The following EPB41L4A variants were observed in gnomAD, a reference collection of about 807,000 sequenced individuals.
EPB41L4A encodes the protein erythrocyte membrane protein band 4.1 like 4A, also known as band 4.1-like protein 4A.
A neutral mutation model predicts 108.6 loss-of-function variants in EPB41L4A; 100 were observed. The observed-to-expected ratio is 0.92, with a 90% confidence interval of 0.78 to 1.09. The LOEUF (loss-of-function observed/expected upper bound fraction) is 1.09. Ranked by LOEUF, EPB41L4A falls within the 50% of genes least tolerant of loss-of-function variation. EPB41L4A has a pLI of 0.00. For synonymous variants in EPB41L4A, 319 were observed against 289.0 expected (o/e 1.10, Z -1.05); for missense variants, 1,030 against 842.7 (o/e 1.22, Z -2.75).
At chr5:112,292,808 A>G (rs898512130) in intron 2 of EPB41L4A, among the ~76,000 whole-genome samples, 1 of 152,192 alleles carries the variant, frequency 6.6e-6, no homozygotes, top group Non-Finnish European at 1.5e-5. Flanking sequence ...ATTTAAAAAA[A>G]AACTAGTTTT....
chr5:112,178,810 A>G (rs1447792210), intron 18 of EPB41L4A, among the ~76,000 whole-genome samples: 1 of 152,018 alleles, frequency 6.6e-6, no homozygotes, highest in South Asian at 2.1e-4. Context: ...TTATATTGGA[A>G]AAGTAGAAAG....
chr5:112,317,878 T>A (rs930593789), intron 1 of EPB41L4A, among the ~76,000 whole-genome samples: 7 of 152,194 alleles, frequency 4.6e-5, no homozygotes, highest in African/African-American at 1.4e-4. Context: ...GATACAGAGA[T>A]AACCCATATG....
intron 12 of EPB41L4A, among the ~76,000 whole-genome samples, chr5:112,234,338 T>C (rs1749176987): frequency 6.6e-6 from 1 of 151,602 alleles, no homozygotes; most frequent in African/African-American, 2.4e-5. Flanking sequence ...GCTATAATCA[T>C]GCCACTGCAA....
chr5:112,202,241 C>T lies in EPB41L4A; in HGVS notation c.1376+2134G>A, dbSNP rs961329851. 3.3e-5 allele frequency among the ~76,000 whole-genome samples: 5 copies of T among 152,180 alleles called. 1 individual carries two copies. Among genetic ancestry groups the T allele is most frequent in the East Asian group, 3.9e-4 (2 of 5,186 alleles). The stretch of plus-strand genomic sequence containing the variant: ...AGTGGTCCCTGTCTAGCATCCATCA[C>T]GGTGCCTGCAGCATTGTCAGCAGCA... On this transcript the variant is annotated intron_variant, in intron 15 of 22. Transcript: ENST00000261486.
chr5:112,378,662 C>T (rs1759974456), intron 1 of EPB41L4A, among the ~76,000 whole-genome samples: 1 of 152,280 alleles, frequency 6.6e-6, no homozygotes, highest in East Asian at 1.9e-4. Flanking sequence ...AGAAGTCATC[C>T]TTATTCCCTC....
intron 2 of EPB41L4A, among the ~76,000 whole-genome samples, chr5:112,294,356 C>A (rs183274506): frequency 6.6e-6 from 1 of 152,278 alleles, no homozygotes; most frequent in East Asian, 1.9e-4. Flanking sequence ...ACAGTCCAGG[C>A]GAGAGTTCTT....
chr5:112,294,257 C>T (rs914529436), intron 2 of EPB41L4A, among the ~76,000 whole-genome samples: 1 of 152,088 alleles, frequency 6.6e-6, no homozygotes, highest in Non-Finnish European at 1.5e-5. Context: ...AGAGGCCTTT[C>T]ATAAGAGAAG....
intron 12 of EPB41L4A, among the ~76,000 whole-genome samples, chr5:112,233,566 G>A (rs1183192180): frequency 1.3e-5 from 2 of 152,022 alleles, no homozygotes; most frequent in Admixed American, 6.5e-5. Flanking sequence ...TACCTCAATA[G>A]TGCTCCTTTT....
chr5:112,359,001 G>C (rs890393303), intron 1 of EPB41L4A, among the ~76,000 whole-genome samples: 1 of 152,038 alleles, frequency 6.6e-6, no homozygotes, highest in African/African-American at 2.4e-5. Flanking sequence ...TAGCCTAAAG[G>C]GCTAAAATTC....
chr5:112,390,193 G>C (rs1760840073), intron 1 of EPB41L4A, among the ~76,000 whole-genome samples: 1 of 152,188 alleles, frequency 6.6e-6, no homozygotes, highest in African/African-American at 2.4e-5. Context: ...TTTGGGACTG[G>C]TTGGACAGTG....
intron 3 of EPB41L4A, among the ~76,000 whole-genome samples, chr5:112,277,904 G>A (rs1022471987): frequency 2.0e-5 from 3 of 152,138 alleles, no homozygotes; most frequent in Non-Finnish European, 2.9e-5. Context: ...GGACTCAAAC[G>A]TTTAAGAAAC....
At chr5:112,269,966 G>A (rs751734265) in intron 4 of EPB41L4A, among the ~76,000 whole-genome samples, 1 of 152,136 alleles carries the variant, frequency 6.6e-6, no homozygotes, top group Non-Finnish European at 1.5e-5. Flanking sequence ...AGCACAACAC[G>A]AGAGACGGGC....
intron 15 of EPB41L4A, among the ~76,000 whole-genome samples, chr5:112,203,656 C>T (rs1343576465): frequency 6.6e-6 from 1 of 152,118 alleles, no homozygotes; most frequent in Non-Finnish European, 1.5e-5. Flanking sequence ...TTTTTCTGTG[C>T]TTTAAAAGGC....
exon 14 of EPB41L4A, chr5:112,143,766 G>T: frequency 2.5e-6 from 1 of 402,060 alleles, no homozygotes. Context: ...AATTGGCCCA[G>T]CTTGAGTCAC....
chr5:112,372,533 TCCAGACACAGGTACAAAGAC>T, intron 1 of EPB41L4A, among the ~76,000 whole-genome samples: 1 of 152,264 alleles, frequency 6.6e-6, no homozygotes, highest in Non-Finnish European at 1.5e-5. Context: ...AGGAGAATCT[TCCAGACACAGGTACAAAGAC>T]CTGAAGGCAG....
At chr5:112,339,900 A>T (rs1435823035) in intron 1 of EPB41L4A, among the ~76,000 whole-genome samples, 1 of 152,112 alleles carries the variant, frequency 6.6e-6, no homozygotes, top group Non-Finnish European at 1.5e-5. Flanking sequence ...CATGGAAGAG[A>T]CCTTTTAATT....
chr5:112,278,091 G>T (rs1010758978), intron 3 of EPB41L4A, among the ~76,000 whole-genome samples: 2 of 152,090 alleles, frequency 1.3e-5, no homozygotes, highest in Non-Finnish European at 2.9e-5. Context: ...ACTAGCAAAT[G>T]TTCTGTCATT....
At chr5:112,227,999 T>A (rs1312593725) in intron 12 of EPB41L4A, among the ~76,000 whole-genome samples, 1 of 152,170 alleles carries the variant, frequency 6.6e-6, no homozygotes, top group Non-Finnish European at 1.5e-5. Flanking sequence ...AGTGCTCACG[T>A]CTGGAGTAAT....
At chr5:112,254,139 T>C (rs1284700609) in intron 9 of EPB41L4A, among the ~76,000 whole-genome samples, 1 of 152,200 alleles carries the variant, frequency 6.6e-6, no homozygotes, top group Non-Finnish European at 1.5e-5. Flanking sequence ...GCAGCATTTA[T>C]TCATTCTTTC....
Sources: gnomAD v4.1 joint callset for allele counts (sites outside exome capture counted in the v4.1 genomes callset) on GRCh38, gnomAD v4.1.1 for gene constraint, MANE v1.5 for transcripts, NCBI Gene and HGNC (gene_info 2026-07-23, HGNC 2026-07-21) for gene names.